Variants in MTCL1 observed in about 807,000 individuals in gnomAD.
MTCL1 encodes microtubule cross-linking factor 1.
In MTCL1, 79 loss-of-function variants were observed where a neutral mutation model predicts 141.4. That is an observed-to-expected ratio of 0.56 (90% CI 0.47 to 0.67). MTCL1 has a LOEUF of 0.67. MTCL1 is among the 30% of genes least tolerant of loss of function. The pLI is 0.00. For synonymous variants in MTCL1, 914 were observed against 875.8 expected (o/e 1.04, Z -0.77); for missense variants, 2,177 against 2,113.9 (o/e 1.03, Z -0.59).
chr18:8,811,861 G>C (rs1261844012), intron 11 of MTCL1, among the ~76,000 whole-genome samples: 1 of 152,226 alleles, frequency 6.6e-6, no homozygotes, highest in Non-Finnish European at 1.5e-5. Context: ...AAATATAAGA[G>C]ATTGCTTATG....
exon 17 of MTCL1, chr18:8,831,726 T>C: frequency 6.4e-7 from 1 of 1,550,558 alleles, no homozygotes; most frequent in South Asian, 1.2e-5. Flanking sequence ...CCTCACAGCC[T>C]CAGTCACCCG....
chr18:8,731,542 C>G (rs566915602), intron 4 of MTCL1, among the ~76,000 whole-genome samples: 1 of 152,042 alleles, frequency 6.6e-6, no homozygotes, highest in African/African-American at 2.4e-5. Context: ...TCATCGCACT[C>G]CAGCCTGGGG....
At chr18:8,783,406 C>T (rs1598634649) in intron 5 of MTCL1, 124 bp from the exon 5 acceptor site, 3 of 939,724 alleles carry the variant, frequency 3.2e-6, no homozygotes, top group South Asian at 3.5e-5. Flanking sequence ...CTCAGCGGCA[C>T]CGATGGGAAG....
chr18:8,824,729 C>T, exon 15 of MTCL1: 2 of 1,613,498 alleles, frequency 1.2e-6, no homozygotes, highest in Non-Finnish European at 1.7e-6. Context: ...TGTCTGAGTT[C>T]CAGCGTCTAA....
chr18:8,763,531 C>T (rs115251414), intron 4 of MTCL1, among the ~76,000 whole-genome samples: 238 of 152,372 alleles, frequency 1.6e-3, no homozygotes, highest in African/African-American at 5.6e-3. Context: ...TCTCAATTTC[C>T]ATCTAAACCC....
Position 8,830,751 on chromosome 18 carries a change from G to C in MTCL1, c.*19-856G>C. The C allele has an allele frequency of 1.0e-6, 1 of 985,460 alleles. No homozygotes were observed. Among genetic ancestry groups the C allele is most frequent in the Non-Finnish European group, 1.2e-6 (1 of 829,940 alleles). 61.0% of individuals were successfully genotyped at this position (985,460 alleles called of 1,614,324 possible). A position where few individuals can be genotyped will look rare whatever the true frequency, so the allele number is the denominator to read the frequency against. ...GGCAACTCAGTTTTCTCATGCCACAGCTTTTTACATTTCTGTGTATCAGCA... is the reference window on the plus strand; with the variant it reads ...GGCAACTCAGTTTTCTCATGCCACACCTTTTTACATTTCTGTGTATCAGCA... On this transcript the variant is annotated intron_variant, in intron 16 of 16. Coordinates refer to ENST00000359865, the Ensembl canonical transcript of MTCL1. The surrounding 1 kb of genome is among the most constrained non-coding windows in gnomAD (Gnocchi z 6.4).
chr18:8,734,538 C>T (rs1260394308), intron 4 of MTCL1, among the ~76,000 whole-genome samples: 1 of 152,036 alleles, frequency 6.6e-6, no homozygotes, highest in African/African-American at 2.4e-5. Context: ...AGGTGATACC[C>T]ATGTTCACCT....
At position 8,818,826 on chromosome 18, in the gene MTCL1, C is replaced by CTT. The variant is rs1340228515; in HGVS notation, c.2860-135_2860-134dup. 9.6e-5 allele frequency: 88 copies of CTT among 916,212 alleles called. No homozygotes were observed. The South Asian group carries it at 1.4e-3, about 15-fold the overall frequency. 56.8% of individuals were successfully genotyped at this position (916,212 alleles called of 1,614,324 possible). ...TTACATTTTGAAATTAAGATCAGAACTTTAAGAACATTTGCTTCTCACAAT... is the reference window on the plus strand; with the variant it reads ...TTACATTTTGAAATTAAGATCAGAACTTTTTAAGAACATTTGCTTCTCACAAT... On this transcript the variant is annotated intron_variant, in intron 12 of 16. Transcript: ENST00000359865.
chr18:8,730,980 C>T (rs914622772), intron 4 of MTCL1, among the ~76,000 whole-genome samples: 1 of 152,192 alleles, frequency 6.6e-6, no homozygotes, highest in African/African-American at 2.4e-5. Context: ...TGCGGTGGCT[C>T]ACGTCTGTTT....
intron 4 of MTCL1, among the ~76,000 whole-genome samples, chr18:8,767,827 A>T (rs1028427689): frequency 2.0e-5 from 3 of 152,214 alleles, no homozygotes; most frequent in African/African-American, 4.8e-5. Context: ...ACATAAAGTC[A>T]TCCATAATTC....
intron 15 of MTCL1, 23 bp downstream of exon 14, chr18:8,826,255 C>T (rs1186035061): frequency 5.9e-6 from 9 of 1,520,458 alleles, no homozygotes; most frequent in Non-Finnish European, 7.1e-6. Flanking sequence ...GAGTGCCCCA[C>T]ACCCTTCCCC....
Position 8,705,701 on chromosome 18 carries a change from A to G in MTCL1, c.41A>G (p.Asp14Gly), listed in dbSNP as rs948113406. Residue 14 changes from aspartate to glycine, a missense_variant, in exon 1 of 14, where the codon GAC becomes GGC. Coordinates refer to the MTCL1 transcript ENST00000306329. The surrounding 1 kb of genome is among the most constrained non-coding windows in gnomAD (Gnocchi z 5.2). ...GGCCCCGCGGGCGGAGGTGCCCCGGACGCGAAGCTGCAGCCGCCCGGCCAG... is the reference window on the plus strand; with the variant it reads ...GGCCCCGCGGGCGGAGGTGCCCCGGGCGCGAAGCTGCAGCCGCCCGGCCAG... 8.3e-6 allele frequency: 10 copies of G among 1,201,880 alleles called. No homozygotes were observed. The highest frequency in any genetic ancestry group is 9.3e-6 in the Non-Finnish European group (9 of 968,298). The allele number at this position is 1,201,880 out of a possible 1,614,324, so 74.5% of individuals were successfully genotyped here.
intron 1 of MTCL1, among the ~76,000 whole-genome samples, chr18:8,712,207 CT>C (rs1239403411): frequency 1.3e-5 from 2 of 152,174 alleles, no homozygotes; most frequent in Non-Finnish European, 2.9e-5. Flanking sequence ...AAATATTTTT[CT>C]GTTAAAAGAA....
At position 8,823,183 on chromosome 18, in the gene MTCL1, C is replaced by T. The variant is rs534188872; in HGVS notation, c.3189-1516C>T. 2.6e-5 allele frequency among the ~76,000 whole-genome samples: 4 copies of T among 152,196 alleles called. No homozygotes were observed. The East Asian group carries it at 7.7e-4, about 29-fold the overall frequency. ...CCACCTGCAAGCGCCTACACATGCT[C>T]CAGATGTATCCCGGGTTTTCTCATC... is the stretch of plus-strand genomic sequence containing the variant. On this transcript the variant is annotated intron_variant, in intron 14 of 16. Coordinates refer to ENST00000359865, the Ensembl canonical transcript of MTCL1.
intron 10 of MTCL1, among the ~76,000 whole-genome samples, chr18:8,800,184 A>G (rs1462916542): frequency 1.3e-5 from 2 of 152,326 alleles, no homozygotes; most frequent in East Asian, 1.9e-4. Context: ...TGTGACTGGC[A>G]TGAGTATTAG....
intron 12 of MTCL1, among the ~76,000 whole-genome samples, chr18:8,818,258 T>A (rs55793279): frequency 0.017 from 2,578 of 151,284 alleles, 84 homozygotes; most frequent in African/African-American, 0.058. Context: ...TCAGGTCTTC[T>A]AACTCCAGGT....
chr18:8,768,316 A>G (rs186312256), intron 4 of MTCL1, among the ~76,000 whole-genome samples: 1 of 152,198 alleles, frequency 6.6e-6, no homozygotes, highest in African/African-American at 2.4e-5. Flanking sequence ...ACTAGAGCTA[A>G]ATTTTTGTTT....
rs1223447233 is a variant in MTCL1, at chr18:8,810,750, A to G, written c.2605-2229A>G. Among the ~76,000 whole-genome samples the G allele has an allele frequency of 2.0e-5, 3 of 152,114 alleles. No homozygotes were observed. The highest frequency in any genetic ancestry group is 4.4e-5 in the Non-Finnish European group (3 of 68,030). On this transcript the variant is annotated intron_variant, in intron 11 of 16. Coordinates refer to ENST00000359865, the Ensembl canonical transcript of MTCL1. The surrounding 1 kb of genome is among the most constrained non-coding windows in gnomAD (Gnocchi z 5.0). The stretch of plus-strand genomic sequence containing the variant: ...GGTTTCTCCCCTCTTTTGTTTCTGC[A>G]TTCTTTCTACTTAGAAAAAGTTTTA...
chr18:8,794,864 A>T (rs987385227), intron 8 of MTCL1, among the ~76,000 whole-genome samples: 1 of 152,176 alleles, frequency 6.6e-6, no homozygotes, highest in African/African-American at 2.4e-5. Context: ...TTTTATTGTC[A>T]TGTACCTAAC....
Sources: gnomAD v4.1 joint callset for allele counts (sites outside exome capture counted in the v4.1 genomes callset) on GRCh38, gnomAD v4.1.1 for gene constraint, Gnocchi (gnomAD v3.1) non-coding constraint, MANE v1.5 for transcripts, NCBI Gene and HGNC (gene_info 2026-07-23, HGNC 2026-07-21) for gene names.